R3HDM1: variants seen among roughly 807,000 people sequenced by gnomAD.
The protein encoded by R3HDM1 is R3H domain containing 1.
R3HDM1 carries 46 observed loss-of-function variants against 141.1 expected under a neutral mutation model. That is an observed-to-expected ratio of 0.33 (90% CI 0.26 to 0.42). R3HDM1 has a LOEUF of 0.42. R3HDM1 is among the 10% of genes least tolerant of loss of function. The pLI is 1.00. For missense variants in R3HDM1, 1,184 were observed against 1,368.3 expected (o/e 0.87, Z 2.12); for synonymous variants, 435 against 472.9 (o/e 0.92, Z 1.04).
At chr2:135,584,172 A>G (rs545662287) in intron 1 of R3HDM1, 515 of 626,258 alleles carry the variant, frequency 8.2e-4, no homozygotes, top group Admixed American at 2.5e-3. Flanking sequence ...TAATAAAAAT[A>G]TAAATATTAA....
At chr2:135,610,823 C>T (rs13407606) in intron 3 of R3HDM1, among the ~76,000 whole-genome samples, 11,589 of 152,058 alleles carry the variant, frequency 0.076, 1,459 homozygotes, top group African/African-American at 0.26. Flanking sequence ...AGATTAAAAG[C>T]ATGTATGTGG....
At chr2:135,544,341 C>G (rs1573606063) in intron 1 of R3HDM1, among the ~76,000 whole-genome samples, 2 of 152,130 alleles carry the variant, frequency 1.3e-5, no homozygotes, top group Admixed American at 1.3e-4. Flanking sequence ...ATGTGTTGAT[C>G]AAAGTTGTAT....
intron 11 of R3HDM1, among the ~76,000 whole-genome samples, 176 bp downstream of exon 11, chr2:135,636,359 A>T (rs1216209896): frequency 3.3e-5 from 5 of 152,196 alleles, no homozygotes; most frequent in Non-Finnish European, 7.4e-5. Flanking sequence ...AGTTTATAAA[A>T]TACTACATTG....
chr2:135,589,580 A>G (rs897804611), intron 1 of R3HDM1, among the ~76,000 whole-genome samples: 1 of 152,158 alleles, frequency 6.6e-6, no homozygotes, highest in South Asian at 2.1e-4. Context: ...GAGTTCCTCT[A>G]AGCCCCAGGG....
At chr2:135,654,313 A>G (rs565743570) in intron 18 of R3HDM1, among the ~76,000 whole-genome samples, 1 of 151,992 alleles carries the variant, frequency 6.6e-6, no homozygotes, top group South Asian at 2.1e-4. Flanking sequence ...ACACACAAAC[A>G]CACACACACA....
At chr2:135,591,167 T>C (rs1264112239) in intron 1 of R3HDM1, among the ~76,000 whole-genome samples, 1 of 152,074 alleles carries the variant, frequency 6.6e-6, no homozygotes, top group African/African-American at 2.4e-5. Context: ...CAAAGAACCA[T>C]TGGGTGGGTT....
intron 24 of R3HDM1, among the ~76,000 whole-genome samples, chr2:135,717,512 TG>T (rs536635538): frequency 1.2e-3 from 182 of 152,042 alleles, no homozygotes; most frequent in African/African-American, 2.2e-3. Context: ...TGTTCTCCCT[TG>T]AAAGTGGGAG....
chr2:135,710,787 C>G (rs1236795866), intron 23 of R3HDM1, among the ~76,000 whole-genome samples: 3 of 152,178 alleles, frequency 2.0e-5, no homozygotes, highest in African/African-American at 7.2e-5. Context: ...AGCATTTATC[C>G]TACCTTTCCC....
intron 1 of R3HDM1, among the ~76,000 whole-genome samples, chr2:135,541,426 T>G (rs946261127): frequency 6.6e-6 from 1 of 152,104 alleles, no homozygotes; most frequent in Non-Finnish European, 1.5e-5. Flanking sequence ...GCCAGGATGG[T>G]CTTGATCTCC....
intron 19 of R3HDM1, among the ~76,000 whole-genome samples, chr2:135,670,723 G>C (rs1184971134): frequency 6.6e-6 from 1 of 151,610 alleles, no homozygotes; most frequent in Non-Finnish European, 1.5e-5. Flanking sequence ...TCTTTTTTAT[G>C]CTCTATAAGG....
chr2:135,635,828 T>G (rs1286863625), intron 9 of R3HDM1, 62 bp from the exon 10 acceptor site: 88 of 1,515,332 alleles, frequency 5.8e-5, no homozygotes, highest in Non-Finnish European at 7.4e-5. Context: ...TATGTTTAAC[T>G]TCTTTGCTAA....
At chr2:135,676,013 T>C (rs2069123332) in intron 20 of R3HDM1, among the ~76,000 whole-genome samples, 1 of 152,184 alleles carries the variant, frequency 6.6e-6, no homozygotes, top group Non-Finnish European at 1.5e-5. Context: ...AGCGATGATA[T>C]GTCTCATATT....
chr2:135,547,555 A>C (rs1476677224), intron 1 of R3HDM1, among the ~76,000 whole-genome samples: 1 of 149,296 alleles, frequency 6.7e-6, no homozygotes, highest in Non-Finnish European at 1.5e-5. Flanking sequence ...TGTTTCCATG[A>C]GATTTTTCTC....
chr2:135,594,661 T>G (rs1203450583), intron 1 of R3HDM1, among the ~76,000 whole-genome samples: 3 of 152,248 alleles, frequency 2.0e-5, no homozygotes, highest in Admixed American at 1.3e-4. Flanking sequence ...TCCCTCCTTT[T>G]CCTGCCACAT....
At chr2:135,701,231 A>G (rs1172452397) in intron 21 of R3HDM1, among the ~76,000 whole-genome samples, 1 of 150,854 alleles carries the variant, frequency 6.6e-6, no homozygotes, top group East Asian at 1.9e-4. Flanking sequence ...ACCAAAAAAA[A>G]AAAAAAAAAA....
intron 1 of R3HDM1, among the ~76,000 whole-genome samples, chr2:135,585,408 C>T (rs1268082865): frequency 6.6e-6 from 1 of 152,142 alleles, no homozygotes; most frequent in African/African-American, 2.4e-5. Context: ...GGTTGGTGTA[C>T]AGATCTTTCT....
At chr2:135,715,823 C>A in intron 24 of R3HDM1, 129 bp downstream of exon 24, 3 of 1,155,532 alleles carry the variant, frequency 2.6e-6, no homozygotes, top group Non-Finnish European at 2.4e-6. Context: ...TACACTCAGG[C>A]ATGTCTATTT....
intron 1 of R3HDM1, among the ~76,000 whole-genome samples, chr2:135,575,860 G>T (rs1705302885): frequency 1.3e-5 from 2 of 152,094 alleles, no homozygotes; most frequent in African/African-American, 4.8e-5. Flanking sequence ...ACACCAAGAA[G>T]CCTTTTTTAC....
At chr2:135,586,867 C>T (rs932617620) in intron 1 of R3HDM1, 96 of 984,994 alleles carry the variant, frequency 9.7e-5, no homozygotes, top group Non-Finnish European at 1.1e-4. Context: ...CTTTCAAGTT[C>T]ATCTTAAAAT....
Sources: gnomAD v4.1 joint callset for allele counts (sites outside exome capture counted in the v4.1 genomes callset) on GRCh38, gnomAD v4.1.1 for gene constraint, MANE v1.5 for transcripts, NCBI Gene and HGNC (gene_info 2026-07-23, HGNC 2026-07-21) for gene names.